The following GRIA3 variants were observed in gnomAD, a reference collection of about 807,000 sequenced individuals.
The protein encoded by GRIA3 is glutamate ionotropic receptor AMPA type subunit 3, also known as glutamate receptor 3.
A neutral mutation model predicts 63.0 loss-of-function variants in GRIA3; 3 were observed. The observed-to-expected ratio is 0.05, with a 90% CI of 0.02 to 0.12. GRIA3 has a LOEUF of 0.12. Among genes scored for constraint, GRIA3 ranks in the 10% least tolerant of loss-of-function variants. The probability of loss-of-function intolerance (pLI) is 1.00; values close to 1 mark genes in which losing one functional copy is unlikely to be tolerated. For synonymous variants in GRIA3, 274 were observed against 257.9 expected (o/e 1.06, Z -0.60); for missense variants, 347 against 700.9 (o/e 0.50, Z 5.70).
intron 2 of GRIA3, among the ~76,000 whole-genome samples, chrX:123,194,370 C>T (rs1927519417): frequency 9.0e-6 from 1 of 111,567 alleles, no homozygotes; most frequent in Non-Finnish European, 1.9e-5. Flanking sequence ...AGGGGTCAAG[C>T]CACAGGCAAT....
intron 3 of GRIA3, among the ~76,000 whole-genome samples, chrX:123,296,489 T>A (rs1332710509): frequency 7.2e-5 from 8 of 110,779 alleles, no homozygotes; most frequent in Non-Finnish European, 1.5e-4. Flanking sequence ...CTTCTACTAT[T>A]CAAGAGACTG....
chrX:123,325,951 A>G, intron 3 of GRIA3, 75 bp from the exon 4 acceptor site: 1 of 887,201 alleles, frequency 1.1e-6, no homozygotes, highest in Non-Finnish European at 1.6e-6. Flanking sequence ...ATGGACTGTG[A>G]CTAGAAATTC....
rs138573749 is a variant in GRIA3 at position 123,228,491 on chromosome X, C to T, written c.269-24812C>T. On this transcript the variant is annotated intron_variant, in intron 2 of 15. Transcript: ENST00000620443. ...CATGAGACTATAACTCTGGTGGTTG[C>T]GAATTTGGTTAGGGGCTAGTATGGA... 2.4e-4 allele frequency among the ~76,000 whole-genome samples: 27 copies of T among 110,550 alleles called. No homozygotes were observed. In the East Asian group the frequency reaches 5.7e-3, roughly 23 times the overall value.
At chrX:123,253,717 A>G in intron 3 of GRIA3, 175 bp downstream of exon 3, 1 of 489,554 alleles carries the variant, frequency 2.0e-6, no homozygotes, top group East Asian at 3.7e-5. Context: ...TAGTAATTTT[A>G]GAACCTAATT....
intron 12 of GRIA3, among the ~76,000 whole-genome samples, chrX:123,462,443 T>C (rs990097413): frequency 8.0e-5 from 9 of 112,033 alleles, no homozygotes; most frequent in African/African-American, 2.9e-4. Flanking sequence ...TTGCTATAAT[T>C]TGTGCAAACC....
At position 123,342,440 on chromosome X, in the gene GRIA3, T is replaced by A. The variant is rs2045014844; in HGVS notation, c.697-12470T>A. Among the ~76,000 whole-genome samples the A allele has an allele frequency of 2.7e-5, 3 of 112,149 alleles. No individual in the cohort carries two copies. The South Asian group carries it at 1.1e-3, about 41-fold the overall frequency. ...AGAGGTACCAGCTCACTCAGACTTT[T>A]AATTAACTAGCTAAATAACCTGCAC... On this transcript the variant is annotated intron_variant, in intron 4 of 15. Coordinates refer to ENST00000620443, the MANE Select transcript of GRIA3 (RefSeq NM_007325.5).
intron 4 of GRIA3, among the ~76,000 whole-genome samples, chrX:123,336,507 A>G (rs2044975224): frequency 8.9e-6 from 1 of 111,936 alleles, no homozygotes; most frequent in African/African-American, 3.3e-5. Context: ...GCATCACTCA[A>G]TGGGCCCAGG....
intron 3 of GRIA3, among the ~76,000 whole-genome samples, chrX:123,273,840 G>A (rs1027281461): frequency 2.8e-4 from 31 of 112,121 alleles, no homozygotes; most frequent in Non-Finnish European, 9.4e-5. Context: ...GATGATCAGT[G>A]AACTCACCCA....
At chrX:123,222,527 T>A (rs1467099045) in intron 2 of GRIA3, among the ~76,000 whole-genome samples, 1 of 112,152 alleles carries the variant, frequency 8.9e-6, no homozygotes, top group Admixed American at 9.4e-5. Context: ...GAAGAAAACA[T>A]CTCAGCTTCA....
intron 2 of GRIA3, 61 bp downstream of exon 2, chrX:123,186,051 T>C (rs1927264754): frequency 1.0e-6 from 1 of 979,882 alleles, no homozygotes; most frequent in African/African-American, 1.9e-5. Context: ...ATCTTTCTTG[T>C]GGCACTTAGG....
At chrX:123,304,197 A>C (rs1192880916) in intron 3 of GRIA3, among the ~76,000 whole-genome samples, 1 of 110,937 alleles carries the variant, frequency 9.0e-6, no homozygotes, top group Non-Finnish European at 1.9e-5. Flanking sequence ...AGAAACTTTC[A>C]ATGGCATTTC....
At chrX:123,398,190 A>T (rs2045424107) in intron 6 of GRIA3, among the ~76,000 whole-genome samples, 1 of 112,042 alleles carries the variant, frequency 8.9e-6, no homozygotes, top group South Asian at 3.8e-4. Flanking sequence ...AATTAATTTC[A>T]AGCTGTCTAA....
At chrX:123,254,600 C>T (rs543283706) in intron 3 of GRIA3, among the ~76,000 whole-genome samples, 53 of 112,086 alleles carry the variant, frequency 4.7e-4, no homozygotes, top group African/African-American at 1.1e-3. Context: ...TTAACTTGAA[C>T]GGCCATTTTG....
Position 123,326,545 on chromosome X carries a change from C to T in GRIA3, c.696+332C>T, listed in dbSNP as rs1007722739. Among the ~76,000 whole-genome samples, 43 of 111,767 alleles carry T rather than the reference C, an allele frequency of 3.8e-4. 1 individual carries two copies. In the Admixed American group the frequency reaches 4.1e-3, roughly 11 times the overall value. On this transcript the variant is annotated intron_variant, in intron 4 of 15. Coordinates refer to ENST00000620443, the MANE Select transcript of GRIA3 (RefSeq NM_007325.5). ...TTTCAAAGTAATCCCCTTCCTTTCC[C>T]ATACCTTCTTCCCAACAGGGAACAG... is the stretch of plus-strand genomic sequence containing the variant.
chrX:123,247,721 T>C lies in GRIA3; in HGVS notation c.269-5582T>C, dbSNP rs1327846743. On this transcript the variant is annotated intron_variant, in intron 2 of 15. Coordinates refer to ENST00000620443, the MANE Select transcript of GRIA3 (RefSeq NM_007325.5). ...AATTGGCAGAGTTTCTTTAACCCAT[T>C]ACCACCCAGAAGTGAGACTAGGAAA... is the stretch of plus-strand genomic sequence containing the variant. Among the ~76,000 whole-genome samples, 9 of 110,432 alleles carry C rather than the reference T, an allele frequency of 8.1e-5. No homozygotes were observed. The Admixed American group carries it at 8.7e-4, about 11-fold the overall frequency.
intron 9 of GRIA3, 36 bp downstream of exon 9, chrX:123,403,555 C>T: frequency 1.2e-6 from 1 of 818,653 alleles, no homozygotes; most frequent in Non-Finnish European, 1.9e-6. Context: ...GCTTTCTGTC[C>T]AGCAAGACTT....
At chrX:123,434,483 G>A (rs1240421086) in intron 12 of GRIA3, among the ~76,000 whole-genome samples, 1 of 111,708 alleles carries the variant, frequency 9.0e-6, no homozygotes, top group Admixed American at 9.5e-5. Flanking sequence ...GTAGGTCAGG[G>A]ACATCTGCTG....
intron 13 of GRIA3, among the ~76,000 whole-genome samples, chrX:123,479,122 T>G (rs906737772): frequency 1.1e-4 from 13 of 113,064 alleles, no homozygotes; most frequent in African/African-American, 3.9e-4. Context: ...CTCCTGGGGA[T>G]ATGTACTAGC....
At chrX:123,307,944 A>G (rs974714934) in intron 3 of GRIA3, among the ~76,000 whole-genome samples, 7 of 111,303 alleles carry the variant, frequency 6.3e-5, no homozygotes, top group African/African-American at 2.3e-4. Flanking sequence ...CTTGTTTGGA[A>G]TATCTCCAGT....
Sources: gnomAD v4.1 joint callset for allele counts (sites outside exome capture counted in the v4.1 genomes callset) on GRCh38, gnomAD v4.1.1 for gene constraint, MANE v1.5 for transcripts, NCBI Gene and HGNC (gene_info 2026-07-23, HGNC 2026-07-21) for gene names.